FNIP1: variants seen among roughly 807,000 people sequenced by gnomAD.
FNIP1 encodes the protein folliculin-interacting protein 1.
Under a neutral mutation model 124.5 loss-of-function variants are expected in FNIP1, and 40 were observed. The ratio of observed to expected loss-of-function variants is 0.32; its 90% CI spans 0.25 to 0.42. FNIP1 has a LOEUF of 0.42. Ranked by LOEUF, FNIP1 falls within the 10% of genes least tolerant of loss-of-function variation. The pLI is 1.00. For missense variants in FNIP1, 1,176 were observed against 1,403.7 expected, an observed-to-expected ratio of 0.84 and a Z score of 2.59; for synonymous variants, 472 against 470.6, an observed-to-expected ratio of 1.00 and a Z score of -0.04.
Position 131,796,817 on chromosome 5 carries a change from C to T in FNIP1, c.92+13G>A. 6.4e-7 allele frequency: 1 copy of T among 1,568,590 alleles called. No individual in the cohort carries two copies. The highest frequency in any genetic ancestry group is 8.6e-7 in the Non-Finnish European group (1 of 1,157,392). On this transcript the variant is annotated intron_variant, in intron 1 of 17. Coordinates refer to ENST00000510461, the MANE Select transcript of FNIP1 (RefSeq NM_133372.3). ...GCCATCGGCTCCGCGACCCCCGCCC[C>T]ACAGCGCCCTACCTGAACCCGCAAT... is the stretch of plus-strand genomic sequence containing the variant.
intron 1 of FNIP1, chr5:131,796,627 A>G (rs867761352): frequency 2.6e-5 from 15 of 572,850 alleles, no homozygotes; most frequent in Middle Eastern, 4.7e-4. Context: ...GGCAACGGCG[A>G]GGCGGGTGGG....
Position 131,652,455 on chromosome 5 carries a change from A to G in FNIP1, c.3109-456T>C, listed in dbSNP as rs1580727031. Among the ~76,000 whole-genome samples the G allele has an allele frequency of 3.3e-5, 5 of 152,134 alleles. No individual in the cohort carries two copies. The South Asian group carries it at 8.3e-4, about 25-fold the overall frequency. ...CTGCAACCTCCGCCTCCCAGGTTCA[A>G]GCCATTCCCCTGCCTCAGCCTCCCA... is the stretch of plus-strand genomic sequence containing the variant. On this transcript the variant is annotated intron_variant, in intron 15 of 17. Coordinates refer to ENST00000510461, the MANE Select transcript of FNIP1 (RefSeq NM_133372.3).
intron 15 of FNIP1, among the ~76,000 whole-genome samples, chr5:131,657,972 C>T (rs1224949107): frequency 1.4e-5 from 2 of 147,386 alleles, no homozygotes; most frequent in Non-Finnish European, 3.0e-5. Flanking sequence ...ACCTGGGAGG[C>T]GGAGCCTGCA....
chr5:131,794,406 C>A (rs1772509725), intron 1 of FNIP1, among the ~76,000 whole-genome samples: 1 of 151,908 alleles, frequency 6.6e-6, no homozygotes, highest in African/African-American at 2.4e-5. Flanking sequence ...AAAAGTCTGA[C>A]AATTTTTTTT....
chr5:131,660,702 T>C (rs1252657610), intron 15 of FNIP1, among the ~76,000 whole-genome samples: 2 of 152,166 alleles, frequency 1.3e-5, no homozygotes, highest in African/African-American at 2.4e-5. Context: ...TACAATACCA[T>C]AGTCTTTATG....
Position 131,677,962 on chromosome 5 carries a change from T to C in FNIP1, c.1350-90A>G. On this transcript the variant is annotated intron_variant, in intron 12 of 17. Transcript: ENST00000510461. ...TGAAAAAGTAAGCAAGGGGAGTATA[T>C]ATGTTCATGTGGCCAAATGGCACCA... The C allele has an allele frequency of 3.0e-6, 4 of 1,338,976 alleles. No homozygotes were observed. In the South Asian group the frequency reaches 4.5e-5, roughly 15 times the overall value. The allele number at this position is 1,338,976 out of a possible 1,614,324, so 82.9% of individuals were successfully genotyped here.
intron 1 of FNIP1, among the ~76,000 whole-genome samples, chr5:131,777,572 T>TA (rs1250701667): frequency 6.6e-6 from 1 of 152,008 alleles, no homozygotes; most frequent in African/African-American, 2.4e-5. Context: ...AATCAAATAC[T>TA]AAAAAAACAA....
intron 2 of FNIP1, among the ~76,000 whole-genome samples, chr5:131,732,674 G>A (rs894282386): frequency 1.3e-5 from 2 of 152,138 alleles, no homozygotes; most frequent in Non-Finnish European, 2.9e-5. Flanking sequence ...GCTCTTTACT[G>A]TTCCATTGGT....
intron 1 of FNIP1, among the ~76,000 whole-genome samples, chr5:131,772,649 T>C (rs1771678755): frequency 6.6e-6 from 1 of 152,170 alleles, no homozygotes; most frequent in Non-Finnish European, 1.5e-5. Context: ...CCATGGCCCA[T>C]GCACCAGTCT....
intron 15 of FNIP1, among the ~76,000 whole-genome samples, chr5:131,665,264 T>C (rs1213127653): frequency 6.6e-6 from 1 of 152,096 alleles, no homozygotes; most frequent in Non-Finnish European, 1.5e-5. Context: ...GAAGCCACAA[T>C]GCTGCCTAAT....
intron 11 of FNIP1, among the ~76,000 whole-genome samples, chr5:131,686,401 G>A (rs1322732450): frequency 6.6e-6 from 1 of 152,132 alleles, no homozygotes; most frequent in African/African-American, 2.4e-5. Flanking sequence ...CTGAAGTGCA[G>A]TGGCACAATC....
intron 2 of FNIP1, among the ~76,000 whole-genome samples, chr5:131,734,174 T>C (rs1320054813): frequency 6.6e-6 from 1 of 152,182 alleles, no homozygotes; most frequent in Admixed American, 6.5e-5. Context: ...TCGGTGGTGA[T>C]ATCCCCTTTA....
At chr5:131,783,183 C>T (rs1001534770) in intron 1 of FNIP1, among the ~76,000 whole-genome samples, 2 of 152,232 alleles carry the variant, frequency 1.3e-5, no homozygotes, top group East Asian at 1.9e-4. Flanking sequence ...GTTCCCTTTC[C>T]TAACCCCATC....
At chr5:131,781,400 C>T (rs935519213) in intron 1 of FNIP1, among the ~76,000 whole-genome samples, 2 of 152,296 alleles carry the variant, frequency 1.3e-5, no homozygotes, top group Non-Finnish European at 2.9e-5. Context: ...CTTCCATAGC[C>T]AGACAGGAGA....
At chr5:131,724,114 G>A (rs1769772008) in intron 3 of FNIP1, among the ~76,000 whole-genome samples, 2 of 152,146 alleles carry the variant, frequency 1.3e-5, no homozygotes, top group South Asian at 4.1e-4. Context: ...TATCATTGAT[G>A]GACATTTGGG....
intron 6 of FNIP1, among the ~76,000 whole-genome samples, chr5:131,711,623 G>A (rs1404748016): frequency 2.0e-5 from 3 of 152,106 alleles, no homozygotes; most frequent in East Asian, 1.9e-4. Flanking sequence ...CCCTCCCCAT[G>A]AGCCAGGACT....
At chr5:131,694,512 T>G (rs918806405) in intron 11 of FNIP1, among the ~76,000 whole-genome samples, 1 of 152,112 alleles carries the variant, frequency 6.6e-6, no homozygotes, top group Admixed American at 6.6e-5. Context: ...TAGCATATGA[T>G]TTCAAGCATA....
intron 1 of FNIP1, among the ~76,000 whole-genome samples, chr5:131,753,006 A>G (rs1022416712): frequency 6.6e-6 from 1 of 152,244 alleles, no homozygotes; most frequent in South Asian, 2.1e-4. Flanking sequence ...CGGGAGGTGG[A>G]GGTTGCAGTG....
At chr5:131,783,439 A>G (rs1378619760) in intron 1 of FNIP1, among the ~76,000 whole-genome samples, 1 of 151,960 alleles carries the variant, frequency 6.6e-6, no homozygotes, top group Non-Finnish European at 1.5e-5. Context: ...AGGAGAGGAA[A>G]AAACAAAACA....
Sources: allele counts gnomAD v4.1 joint callset (sites outside exome capture counted in the v4.1 genomes callset), GRCh38; gene constraint gnomAD v4.1.1; transcripts MANE v1.5; gene names NCBI Gene and HGNC (gene_info 2026-07-23, HGNC 2026-07-21).